SATB2: variants seen among roughly 807,000 people sequenced by gnomAD.
The protein encoded by SATB2 is SATB homeobox 2.
SATB2 carries 1 observed loss-of-function variant against 73.4 expected under a neutral mutation model. The ratio of observed to expected loss-of-function variants is 0.01; its 90% CI spans 0.00 to 0.06. SATB2 has a LOEUF of 0.06. Ranked by LOEUF, SATB2 falls within the 10% of genes least tolerant of loss-of-function variation. SATB2 has a pLI of 1.00. For synonymous variants in SATB2, 397 were observed against 367.0 expected, an observed-to-expected ratio of 1.08 and a Z score of -0.93; for missense variants, 459 against 945.8, an observed-to-expected ratio of 0.49 and a Z score of 6.75.
upstream of SATB2, among the ~76,000 whole-genome samples, chr2:199,467,130 G>A (rs960579306): frequency 7.2e-5 from 11 of 152,252 alleles, no homozygotes; most frequent in African/African-American, 2.7e-4. Flanking sequence ...CTCCTCCCAA[G>A]AGACCTCAAG....
upstream of SATB2, among the ~76,000 whole-genome samples, chr2:199,462,805 G>A (rs552377284): frequency 1.2e-3 from 187 of 152,264 alleles, 2 homozygotes; most frequent in African/African-American, 4.2e-3. The surrounding 1 kb of genome is among the most constrained non-coding windows in gnomAD (Gnocchi z 5.9). Flanking sequence ...GGGAAGGATG[G>A]TGGGCAACGA....
intron 2 of SATB2, among the ~76,000 whole-genome samples, chr2:199,450,089 G>A (rs1413238716): frequency 1.3e-5 from 2 of 152,038 alleles, no homozygotes; most frequent in African/African-American, 4.8e-5. Context: ...GGGGAGTGGG[G>A]GAGACGGGGA....
chr2:199,414,656 G>A (rs1690920882), intron 3 of SATB2, among the ~76,000 whole-genome samples: 1 of 152,134 alleles, frequency 6.6e-6, no homozygotes, highest in South Asian at 2.1e-4. Context: ...CTGTGACTCG[G>A]TGTGTCAAAG....
At chr2:199,311,774 A>G (rs1385950317) in intron 9 of SATB2, among the ~76,000 whole-genome samples, 1 of 151,848 alleles carries the variant, frequency 6.6e-6, no homozygotes, top group East Asian at 1.9e-4. Flanking sequence ...CTTCCACCTC[A>G]CTTCCCATCT....
chr2:199,358,709 T>C (rs375608920), intron 6 of SATB2, among the ~76,000 whole-genome samples: 2 of 152,264 alleles, frequency 1.3e-5, no homozygotes, highest in East Asian at 3.9e-4. Flanking sequence ...CCCCTTATTA[T>C]CAACTTCCTT....
At chr2:199,323,510 T>C (rs202171676) in intron 9 of SATB2, among the ~76,000 whole-genome samples, 5 of 83,818 alleles carry the variant, frequency 6.0e-5, no homozygotes, top group African/African-American at 1.4e-4. Flanking sequence ...CACACACACA[T>C]ATATAAAGGG....
chr2:199,413,212 T>C (rs757809455), intron 3 of SATB2, among the ~76,000 whole-genome samples: 3 of 152,206 alleles, frequency 2.0e-5, no homozygotes, highest in Non-Finnish European at 4.4e-5. Context: ...GAAGCACATA[T>C]GTAATCTTTT....
chr2:199,468,044 CTTTCT>C (rs1196624496), upstream of SATB2: 1 of 151,872 alleles, frequency 6.6e-6, no homozygotes, highest in African/African-American at 2.4e-5. Context: ...TTCTTTCTTT[CTTTCT>C]TTTTCTTTCT....
intron 10 of SATB2, among the ~76,000 whole-genome samples, chr2:199,294,205 A>G (rs1258266160): frequency 2.0e-5 from 3 of 152,198 alleles, no homozygotes; most frequent in Non-Finnish European, 2.9e-5. Flanking sequence ...GATGACAGTT[A>G]CATGTTCATA....
chr2:199,390,049 A>C (rs1214587731), intron 3 of SATB2, among the ~76,000 whole-genome samples: 1 of 152,166 alleles, frequency 6.6e-6, no homozygotes, highest in Non-Finnish European at 1.5e-5. Context: ...ATTTAATATA[A>C]GCACTAAGTA....
At chr2:199,350,114 C>T (rs535793968) in intron 6 of SATB2, among the ~76,000 whole-genome samples, 2 of 152,208 alleles carry the variant, frequency 1.3e-5, no homozygotes, top group East Asian at 1.9e-4. Flanking sequence ...GTAATATAAT[C>T]TAACAAGATC....
chr2:199,466,802 C>G (rs1486784125), upstream of SATB2, among the ~76,000 whole-genome samples: 1 of 152,236 alleles, frequency 6.6e-6, no homozygotes, highest in Admixed American at 6.5e-5. Context: ...TATTCTTTTT[C>G]TGTCTGTGTC....
At chr2:199,300,317 C>T (rs1227233102) in intron 10 of SATB2, among the ~76,000 whole-genome samples, 1 of 151,082 alleles carries the variant, frequency 6.6e-6, no homozygotes, top group African/African-American at 2.4e-5. Context: ...AAAAAGAAAG[C>T]CAATGAAGCT....
chr2:199,409,669 GT>G (rs200872650), intron 3 of SATB2, among the ~76,000 whole-genome samples: 1 of 144,444 alleles, frequency 6.9e-6, no homozygotes, highest in Admixed American at 6.9e-5. Flanking sequence ...GTTTTTTTTT[GT>G]TTTTTTTTGT....
chr2:199,425,098 T>C (rs1479739668), intron 3 of SATB2, among the ~76,000 whole-genome samples: 1 of 152,162 alleles, frequency 6.6e-6, no homozygotes, highest in Non-Finnish European at 1.5e-5. Flanking sequence ...GAACAAAAAA[T>C]TAAACATGAT....
At chr2:199,358,890 T>C (rs1305038270) in intron 6 of SATB2, among the ~76,000 whole-genome samples, 1 of 152,172 alleles carries the variant, frequency 6.6e-6, no homozygotes, top group Non-Finnish European at 1.5e-5. Flanking sequence ...AACACTATTG[T>C]CCCTTTTGGT....
chr2:199,453,830 A>C (rs1311170404), intron 2 of SATB2, among the ~76,000 whole-genome samples: 1 of 152,022 alleles, frequency 6.6e-6, no homozygotes, highest in Non-Finnish European at 1.5e-5. Flanking sequence ...TTTTAAAAAA[A>C]TTTAAATTCC....
chr2:199,371,173 A>G (rs1307225200), intron 5 of SATB2, among the ~76,000 whole-genome samples: 1 of 152,284 alleles, frequency 6.6e-6, no homozygotes, highest in East Asian at 1.9e-4. Flanking sequence ...AATATTTTAA[A>G]AGAAAGGCCA....
chr2:199,444,924 G>A (rs1174199714), intron 2 of SATB2, among the ~76,000 whole-genome samples: 6 of 152,108 alleles, frequency 3.9e-5, no homozygotes, highest in Admixed American at 2.0e-4. Flanking sequence ...AGAGGCTGGC[G>A]GCGAGAAAGA....
Sources: gnomAD v4.1 joint callset for allele counts (sites outside exome capture counted in the v4.1 genomes callset) on GRCh38, gnomAD v4.1.1 for gene constraint, Gnocchi (gnomAD v3.1) non-coding constraint, MANE v1.5 for transcripts, NCBI Gene and HGNC (gene_info 2026-07-23, HGNC 2026-07-21) for gene names.